The following ASIP variants were observed in gnomAD, a reference collection of about 807,000 sequenced individuals.
The protein encoded by ASIP is agouti signaling protein, also known as agouti-signaling protein.
Under a neutral mutation model 10.3 loss-of-function variants are expected in ASIP, and 11 were observed. That is an observed-to-expected ratio of 1.07 (90% CI 0.68 to 1.78). The LOEUF is 1.78. Among genes scored for constraint, ASIP ranks in the 40% most tolerant of loss-of-function variants. The pLI is 0.00. For missense variants in ASIP, 180 were observed against 169.2 expected (o/e 1.06, Z -0.35); for synonymous variants, 70 against 70.8 (o/e 0.99, Z 0.06).
At chr20:34,199,148 G>T (rs1481248293) in intron 1 of ASIP, among the ~76,000 whole-genome samples, 1 of 151,890 alleles carries the variant, frequency 6.6e-6, no homozygotes, top group South Asian at 2.1e-4. Flanking sequence ...ACCACAATTT[G>T]TTTATCCATT....
chr20:34,257,187 G>A (rs977681727), intron 1 of ASIP, among the ~76,000 whole-genome samples: 5 of 151,576 alleles, frequency 3.3e-5, no homozygotes, highest in Admixed American at 6.6e-5. Flanking sequence ...GGGTTCAGGC[G>A]ATTCTCCTGC....
At chr20:34,268,183 G>C (rs2035820843) in intron 3 of ASIP, among the ~76,000 whole-genome samples, 1 of 152,194 alleles carries the variant, frequency 6.6e-6, no homozygotes, top group Non-Finnish European at 1.5e-5. Flanking sequence ...AGTAGCCACA[G>C]ATGACCAGTG....
chr20:34,190,188 G>A (rs975140533), upstream of ASIP, among the ~76,000 whole-genome samples: 2 of 152,242 alleles, frequency 1.3e-5, no homozygotes, highest in African/African-American at 4.8e-5. Context: ...CTGTGTCCAG[G>A]CCCCACCTCC....
intron 1 of ASIP, among the ~76,000 whole-genome samples, chr20:34,235,821 GAAA>G (rs2035177900): frequency 1.6e-5 from 1 of 60,832 alleles, no homozygotes; most frequent in Non-Finnish European, 2.5e-5. Flanking sequence ...AAGAAAGAAA[GAAA>G]GAAAGAAAGA....
rs745579802 is a variant in ASIP at position 34,260,355 on chromosome 20, T to C, written c.-10-10T>C. ...CCCACCCACCTGACCACCTTCTCTG[T>C]CCCACTCAGGCCTCCTGGGATGGAT... is the stretch of plus-strand genomic sequence containing the variant. On this transcript the variant is annotated splice_polypyrimidine_tract_variant and intron_variant, in intron 1 of 3. Coordinates refer to ENST00000374954, the MANE Select transcript of ASIP (RefSeq NM_001672.3). 2.5e-6 allele frequency: 4 copies of C among 1,610,532 alleles called. No individual in the cohort carries two copies. The highest frequency in any genetic ancestry group is 3.4e-6 in the Non-Finnish European group (4 of 1,177,664).
At chr20:34,237,017 C>A (rs1009090288), upstream of ASIP, among the ~76,000 whole-genome samples, 2 of 152,146 alleles carry the variant, frequency 1.3e-5, no homozygotes, top group African/African-American at 4.8e-5. Flanking sequence ...CACTTGACCA[C>A]ACATGTAAAG....
chr20:34,189,442 A>T, the ASIP span, among the ~76,000 whole-genome samples: 1 of 151,946 alleles, frequency 6.6e-6, no homozygotes, highest in Non-Finnish European at 1.5e-5. Context: ...GGGTTTCTCC[A>T]TGTTGGTCAG....
At chr20:34,252,444 G>C (rs2035492493) in intron 1 of ASIP, among the ~76,000 whole-genome samples, 1 of 152,170 alleles carries the variant, frequency 6.6e-6, no homozygotes, top group Non-Finnish European at 1.5e-5. Flanking sequence ...CTAGATTTAT[G>C]TTTTTCTTTA....
intron 1 of ASIP, among the ~76,000 whole-genome samples, chr20:34,216,550 T>C (rs776832830): frequency 5.3e-5 from 8 of 152,360 alleles, no homozygotes; most frequent in Admixed American, 2.6e-4. Context: ...CTAGAAGTTT[T>C]ATGGTTCTAG....
At chr20:34,214,769 G>T in intron 1 of ASIP, 1 of 1,395,642 alleles carries the variant, frequency 7.2e-7, no homozygotes, top group Non-Finnish European at 1.0e-6. Flanking sequence ...GCTTTTTGCT[G>T]ATCCGAGAGC....
Position 34,213,200 on chromosome 20 carries a change from A to C in ASIP, c.-11+18440A>C, listed in dbSNP as rs113539203. Among the ~76,000 whole-genome samples the C allele has an allele frequency of 4.7e-4, 71 of 152,300 alleles. 1 individual carries two copies. The highest frequency in any genetic ancestry group is 6.8e-3 in the Middle Eastern group (2 of 294). On this transcript the variant is annotated intron_variant, in intron 1 of 3. Transcript: ENST00000568305. ...TCCATCCTTTCTTTATCCTTCTGCC[A>C]TGTGATGCCTTCTACCATGTTATGA... is the stretch of plus-strand genomic sequence containing the variant.
intron 1 of ASIP, among the ~76,000 whole-genome samples, chr20:34,251,952 C>T (rs1199350869): frequency 2.0e-5 from 3 of 152,148 alleles, no homozygotes; most frequent in African/African-American, 7.2e-5. Flanking sequence ...TAGAAACCAC[C>T]CAGTCTATGA....
chr20:34,269,061 A>T lies in ASIP; in HGVS notation c.293A>T (p.Asn98Ile). Residue 98 changes from asparagine (N) to isoleucine (I), a missense_variant, in exon 4 of 4, where the codon AAC becomes ATC. By Grantham distance (149) the Asn-to-Ile change is moderately radical. Transcript: ENST00000374954. ...TCTGCGCCCTGCGTGGCCACCCGCA[A>T]CAGCTGCAAGCCGCCGGCACCCGCC... is the stretch of plus-strand genomic sequence containing the variant. ...PLSAPCVATR[N>I]SCKPPAPACC... 1 of 1,597,140 alleles carries T rather than the reference A, an allele frequency of 6.3e-7. No homozygotes were observed. The highest frequency in any genetic ancestry group is 8.5e-7 in the Non-Finnish European group (1 of 1,172,662).
chr20:34,248,274 A>C (rs971616633), intron 1 of ASIP, among the ~76,000 whole-genome samples: 2 of 152,154 alleles, frequency 1.3e-5, no homozygotes, highest in African/African-American at 4.8e-5. Flanking sequence ...GCAGCATTAG[A>C]ATGAACTTAT....
At position 34,268,997 on chromosome 20, in the gene ASIP, G is replaced by A; in HGVS notation, c.229G>A (p.Ala77Thr). 2 of 1,605,362 alleles carry A rather than the reference G, an allele frequency of 1.2e-6. No individual in the cohort carries two copies. The highest frequency in any genetic ancestry group is 1.7e-6 in the Non-Finnish European group (2 of 1,176,584). ...CCCGGCGTTTCCCACGCAGAAGGAG[G>A]CTTCGATGAAGAAAGTGGTGCGGCC... Reference protein sequence around the residue: ...AEKKRSSKKEASMKKVVRPRT... With the variant: ...AEKKRSSKKETSMKKVVRPRT... The change falls in exon 4 of 4, where the codon GCT becomes ACT. Residue 77 changes from alanine (A) to threonine (T), a missense_variant. By Grantham distance (58) the Ala-to-Thr change is moderately conservative. Coordinates refer to ENST00000374954, the MANE Select transcript of ASIP (RefSeq NM_001672.3).
At chr20:34,232,333 C>A (rs2035127243) in intron 1 of ASIP, among the ~76,000 whole-genome samples, 1 of 152,184 alleles carries the variant, frequency 6.6e-6, no homozygotes, top group Admixed American at 6.5e-5. Flanking sequence ...GGCAGAATGT[C>A]TCTCAACAGC....
At chr20:34,239,896 G>C (rs1429710347), upstream of ASIP, among the ~76,000 whole-genome samples, 1 of 152,168 alleles carries the variant, frequency 6.6e-6, no homozygotes, top group Non-Finnish European at 1.5e-5. Context: ...CTTCTGCAGA[G>C]CCTCTAAGCT....
intron 1 of ASIP, among the ~76,000 whole-genome samples, chr20:34,251,520 C>T (rs970989836): frequency 3.9e-5 from 6 of 152,032 alleles, no homozygotes; most frequent in Admixed American, 2.0e-4. Flanking sequence ...GTGATCCGTC[C>T]GCCTCGGCCT....
chr20:34,215,681 A>C (rs920671158), intron 1 of ASIP: 50 of 1,448,938 alleles, frequency 3.5e-5, no homozygotes, highest in Non-Finnish European at 4.9e-5. Context: ...AACAGTGGTT[A>C]GTTCTGAATA....
Sources: allele counts gnomAD v4.1 joint callset (sites outside exome capture counted in the v4.1 genomes callset), GRCh38; gene constraint gnomAD v4.1.1; transcripts MANE v1.5; gene names NCBI Gene and HGNC (gene_info 2026-07-23, HGNC 2026-07-21).